Variants in OLA1 observed in about 807,000 individuals in gnomAD.
OLA1 encodes the protein obg-like ATPase 1.
In OLA1, 14 loss-of-function variants were observed where a neutral mutation model predicts 48.4. The ratio of observed to expected loss-of-function variants is 0.29; its 90% confidence interval spans 0.19 to 0.45. The LOEUF is 0.45. Among genes scored for constraint, OLA1 ranks in the 20% least tolerant of loss-of-function variants. OLA1 has a pLI of 1.00. For synonymous variants in OLA1, 127 were observed against 150.4 expected (o/e 0.84, Z 1.14); for missense variants, 325 against 467.1 (o/e 0.70, Z 2.80).
At chr2:174,085,859 A>T (rs531719016) in intron 7 of OLA1, among the ~76,000 whole-genome samples, 284 of 152,238 alleles carry the variant, frequency 1.9e-3, no homozygotes, top group Non-Finnish European at 3.0e-3. Flanking sequence ...TTCAACATTA[A>T]TTTGCAAGTT....
intron 7 of OLA1, among the ~76,000 whole-genome samples, chr2:174,110,349 A>G (rs1191052036): frequency 1.5e-5 from 2 of 135,068 alleles, no homozygotes; most frequent in African/African-American, 5.8e-5. Flanking sequence ...ACGAGTTTTC[A>G]ACATGTTGCC....
chr2:174,089,289 T>C (rs554265696), intron 7 of OLA1, among the ~76,000 whole-genome samples: 1 of 152,218 alleles, frequency 6.6e-6, no homozygotes, highest in African/African-American at 2.4e-5. Flanking sequence ...GTGATTCATA[T>C]GCATGTTAAA....
At chr2:174,228,283 CTG>C (rs1414510800) in intron 3 of OLA1, among the ~76,000 whole-genome samples, 3 of 152,126 alleles carry the variant, frequency 2.0e-5, no homozygotes, top group African/African-American at 7.2e-5. Flanking sequence ...AAATGGTAAA[CTG>C]TGCTACATTC....
At chr2:174,163,728 A>G (rs1687075994) in intron 4 of OLA1, among the ~76,000 whole-genome samples, 1 of 10,076 alleles carries the variant, frequency 9.9e-5, no homozygotes, top group Non-Finnish European at 2.2e-4. Flanking sequence ...ATATATATAT[A>G]TATATATATA....
Position 174,197,253 on chromosome 2 carries a change from C to A in OLA1, c.373+25780G>T, listed in dbSNP as rs529497859. On this transcript the variant is annotated intron_variant, in intron 4 of 10. Coordinates refer to ENST00000284719, the MANE Select transcript of OLA1 (RefSeq NM_013341.5). ...TAGAAGCTAAACAAAACAACAAACA[C>A]CCAAGCTCTAAAGGCCTAATTAACT... Among the ~76,000 whole-genome samples the A allele has an allele frequency of 3.2e-4, 48 of 152,222 alleles. 2 individuals are homozygous for A. The South Asian group carries it at 9.7e-3, about 31-fold the overall frequency.
At chr2:174,243,016 G>T (rs989573231) in intron 2 of OLA1, among the ~76,000 whole-genome samples, 2 of 148,512 alleles carry the variant, frequency 1.3e-5, no homozygotes, top group African/African-American at 2.5e-5. Context: ...TGTTTTTGTT[G>T]TTTTTTTTTT....
At chr2:174,097,707 A>C (rs916174505) in intron 7 of OLA1, among the ~76,000 whole-genome samples, 2 of 151,842 alleles carry the variant, frequency 1.3e-5, no homozygotes, top group Non-Finnish European at 2.9e-5. Context: ...CCTGGGCGAC[A>C]GAGTGAGACT....
At chr2:174,186,102 A>G (rs886538520) in intron 4 of OLA1, among the ~76,000 whole-genome samples, 1 of 152,222 alleles carries the variant, frequency 6.6e-6, no homozygotes, top group Non-Finnish European at 1.5e-5. Context: ...TAAATGCTCT[A>G]ATAGTAGACT....
chr2:174,089,052 C>T (rs1685046561), intron 7 of OLA1, among the ~76,000 whole-genome samples: 2 of 151,388 alleles, frequency 1.3e-5, no homozygotes, highest in African/African-American at 4.9e-5. Flanking sequence ...GATAGAAATG[C>T]AGGAATCTTA....
At chr2:174,098,204 GAAATA>G (rs1438456610) in intron 7 of OLA1, among the ~76,000 whole-genome samples, 1 of 152,150 alleles carries the variant, frequency 6.6e-6, no homozygotes, top group Non-Finnish European at 1.5e-5. Context: ...TGTTAGATGA[GAAATA>G]AAATATTTTG....
At chr2:174,106,245 T>G (rs1288144717) in intron 7 of OLA1, among the ~76,000 whole-genome samples, 2 of 151,870 alleles carry the variant, frequency 1.3e-5, no homozygotes, top group African/African-American at 4.9e-5. Context: ...TCTGGTAAAC[T>G]TAAACCAAAT....
Position 174,072,591 on chromosome 2 carries a change from T to C in OLA1, c.*2835A>G, listed in dbSNP as rs991942595. ...CTTGTAAAATAAAAAGAGCATCAAG[T>C]GAATTTAAGTAGACTAATCAGAACA... On this transcript the variant is annotated 3_prime_UTR_variant, in exon 11 of 11. Coordinates refer to ENST00000284719, the MANE Select transcript of OLA1 (RefSeq NM_013341.5). 2.0e-5 allele frequency: 3 copies of C among 152,266 alleles called. No homozygotes were observed. Among genetic ancestry groups the C allele is most frequent in the Admixed American group, 2.0e-4 (3 of 15,304 alleles). The allele number at this position is 152,266 out of a possible 1,614,324, so 9.4% of individuals were successfully genotyped here.
chr2:174,092,402 C>T (rs1190700144), intron 7 of OLA1, among the ~76,000 whole-genome samples: 2 of 151,946 alleles, frequency 1.3e-5, no homozygotes, highest in South Asian at 4.2e-4. Flanking sequence ...TGGTGGCTCA[C>T]GCCTGTAATC....
At chr2:174,170,385 TTAAAA>T (rs1236340276) in intron 4 of OLA1, among the ~76,000 whole-genome samples, 3 of 152,110 alleles carry the variant, frequency 2.0e-5, no homozygotes, top group Admixed American at 6.5e-5. Context: ...AAGATGAATA[TTAAAA>T]TAAAATCCTA....
intron 4 of OLA1, among the ~76,000 whole-genome samples, chr2:174,186,629 T>C (rs1013066760): frequency 6.6e-6 from 1 of 152,220 alleles, no homozygotes; most frequent in Non-Finnish European, 1.5e-5. Flanking sequence ...TCCCTGCTGA[T>C]GTTCCTACCT....
intron 4 of OLA1, among the ~76,000 whole-genome samples, chr2:174,176,965 T>C (rs1389834300): frequency 1.3e-5 from 2 of 152,156 alleles, no homozygotes; most frequent in African/African-American, 2.4e-5. Flanking sequence ...CTTATGCACA[T>C]TGCTGTTGTC....
chr2:174,164,390 A>AG (rs1687114686), intron 4 of OLA1, among the ~76,000 whole-genome samples: 11 of 41,268 alleles, frequency 2.7e-4, no homozygotes, highest in African/African-American at 1.0e-3. Flanking sequence ...ATTCTGTTTT[A>AG]TGTTTGGTGA....
At chr2:174,207,854 C>G (rs1282512444) in intron 4 of OLA1, among the ~76,000 whole-genome samples, 1 of 152,176 alleles carries the variant, frequency 6.6e-6, no homozygotes, top group African/African-American at 2.4e-5. Flanking sequence ...AAAGTTGACT[C>G]TTGAACAACA....
At chr2:174,126,399 A>T (rs1686044478) in intron 5 of OLA1, among the ~76,000 whole-genome samples, 1 of 152,136 alleles carries the variant, frequency 6.6e-6, no homozygotes, top group Non-Finnish European at 1.5e-5. Context: ...CTTTACTATC[A>T]TTATATAGAA....
Sources: allele counts gnomAD v4.1 joint callset (sites outside exome capture counted in the v4.1 genomes callset), GRCh38; gene constraint gnomAD v4.1.1; transcripts MANE v1.5; gene names NCBI Gene and HGNC (gene_info 2026-07-23, HGNC 2026-07-21).